Variants in TNFSF4 observed in about 807,000 individuals in gnomAD.
TNFSF4 encodes the protein TNF superfamily member 4.
Under a neutral mutation model 7.3 loss-of-function variants are expected in TNFSF4, and 4 were observed. That is an observed-to-expected ratio of 0.55 (90% confidence interval 0.27 to 1.25). The LOEUF (loss-of-function observed/expected upper bound fraction) is 1.25. Ranked by LOEUF, TNFSF4 falls within the 50% of genes most tolerant of loss-of-function variation. The probability of loss-of-function intolerance (pLI) is 0.12; values close to 1 mark genes in which losing one functional copy is unlikely to be tolerated. For synonymous variants in TNFSF4, 76 were observed against 83.7 expected, an observed-to-expected ratio of 0.91 and a Z score of 0.50; for missense variants, 181 against 208.8, an observed-to-expected ratio of 0.87 and a Z score of 0.82.
At chr1:173,441,697 G>A in the TNFSF4 span, among the ~76,000 whole-genome samples, 15 of 152,272 alleles carry the variant, frequency 9.9e-5, no homozygotes, top group Non-Finnish European at 1.6e-4. Flanking sequence ...TTTAAAGTGG[G>A]CGCTTTAAAC....
At chr1:173,239,218 A>G in the TNFSF4 span, among the ~76,000 whole-genome samples, 1 of 152,192 alleles carries the variant, frequency 6.6e-6, no homozygotes, top group African/African-American at 2.4e-5. Flanking sequence ...CAGAGCAGGA[A>G]CAAAAATCTG....
the TNFSF4 span, among the ~76,000 whole-genome samples, chr1:173,233,925 A>G: frequency 1.2e-4 from 18 of 152,328 alleles, no homozygotes; most frequent in South Asian, 3.5e-3. Context: ...AGCAATGGCA[A>G]CAAAAGCCAA....
chr1:173,284,058 C>G, the TNFSF4 span, among the ~76,000 whole-genome samples: 476 of 152,086 alleles, frequency 3.1e-3, 4 homozygotes, highest in Non-Finnish European at 5.5e-3. Flanking sequence ...AAAGATCAAA[C>G]CAGCCACAAC....
the TNFSF4 span, chr1:173,174,300 C>A: frequency 1.3e-5 from 2 of 152,174 alleles, no homozygotes; most frequent in Non-Finnish European, 2.9e-5. Context: ...CCAAACTTTT[C>A]CACATTTTCC....
chr1:173,235,215 C>T, the TNFSF4 span, among the ~76,000 whole-genome samples: 1 of 152,056 alleles, frequency 6.6e-6, no homozygotes, highest in Non-Finnish European at 1.5e-5. Context: ...CTCTTTAGTT[C>T]AGCTAAAATC....
the TNFSF4 span, chr1:173,363,206 C>A: frequency 1.1e-5 from 3 of 283,192 alleles, no homozygotes; most frequent in East Asian, 3.3e-4. Flanking sequence ...TGGCTCCAAA[C>A]ATGTCTTTGA....
the TNFSF4 span, among the ~76,000 whole-genome samples, chr1:173,361,230 C>T: frequency 1.3e-5 from 2 of 152,136 alleles, no homozygotes; most frequent in Non-Finnish European, 1.5e-5. Flanking sequence ...CTGAGTGGAT[C>T]TACAAATTTG....
rs1009790548 is a variant in TNFSF4, at chr1:173,184,304, G to A, written c.*2212C>T. 1.3e-5 allele frequency: 2 copies of A among 152,132 alleles called. No homozygotes were observed. The highest frequency in any genetic ancestry group is 4.8e-5 in the African/African-American group (2 of 41,420). 9.4% of individuals were successfully genotyped at this position (152,132 alleles called of 1,614,324 possible). A position where few individuals can be genotyped will look rare whatever the true frequency, so the allele number is the denominator to read the frequency against. On this transcript the variant is annotated 3_prime_UTR_variant, in exon 3 of 3. Transcript: ENST00000281834. ...CCCACAAAACTCTGCCATGTATATCGAAGGGTTAATTCTCCCTGTGAAGGA... is the reference window on the plus strand; with the variant it reads ...CCCACAAAACTCTGCCATGTATATCAAAGGGTTAATTCTCCCTGTGAAGGA...
chr1:173,406,933 G>A, the TNFSF4 span, among the ~76,000 whole-genome samples: 1 of 152,148 alleles, frequency 6.6e-6, no homozygotes, highest in African/African-American at 2.4e-5. Context: ...CCTGTTGGGT[G>A]GTACTGGGTT....
the TNFSF4 span, among the ~76,000 whole-genome samples, chr1:173,253,739 G>C: frequency 6.6e-6 from 1 of 152,196 alleles, no homozygotes; most frequent in Non-Finnish European, 1.5e-5. Flanking sequence ...CTCCTCTGAC[G>C]TTGTGGGGTT....
At chr1:173,228,474 G>A in the TNFSF4 span, among the ~76,000 whole-genome samples, 1 of 152,084 alleles carries the variant, frequency 6.6e-6, no homozygotes, top group African/African-American at 2.4e-5. Flanking sequence ...CACAGAGATG[G>A]GGACAAAACA....
At chr1:173,434,281 T>C in the TNFSF4 span, among the ~76,000 whole-genome samples, 2 of 152,262 alleles carry the variant, frequency 1.3e-5, no homozygotes, top group African/African-American at 4.8e-5. Flanking sequence ...ATATTACAAG[T>C]GCATGTTAAC....
At chr1:173,351,271 T>C in the TNFSF4 span, among the ~76,000 whole-genome samples, 3 of 152,182 alleles carry the variant, frequency 2.0e-5, no homozygotes, top group African/African-American at 7.2e-5. Context: ...GCTGGTCTCT[T>C]CTCTTAGCCA....
the TNFSF4 span, among the ~76,000 whole-genome samples, chr1:173,335,558 C>G: frequency 6.6e-6 from 1 of 152,130 alleles, no homozygotes; most frequent in Non-Finnish European, 1.5e-5. Context: ...ACCTAAGGCA[C>G]CAGCTGTTCC....
At chr1:173,255,285 T>C in the TNFSF4 span, among the ~76,000 whole-genome samples, 1 of 152,250 alleles carries the variant, frequency 6.6e-6, no homozygotes, top group African/African-American at 2.4e-5. Context: ...CCTAAAGTTC[T>C]GAACAGACTT....
the TNFSF4 span, among the ~76,000 whole-genome samples, chr1:173,436,899 G>T: frequency 6.6e-6 from 1 of 152,194 alleles, no homozygotes; most frequent in Non-Finnish European, 1.5e-5. Flanking sequence ...GTGTAGTGAA[G>T]AATTAACTTA....
At chr1:173,214,548 A>G in the TNFSF4 span, among the ~76,000 whole-genome samples, 28 of 152,254 alleles carry the variant, frequency 1.8e-4, 1 homozygote, top group Admixed American at 1.8e-3. Context: ...TTGGGCTACC[A>G]TACAATACAA....
chr1:173,298,418 T>C, the TNFSF4 span, among the ~76,000 whole-genome samples: 1 of 151,948 alleles, frequency 6.6e-6, no homozygotes, highest in African/African-American at 2.4e-5. Context: ...TTGTGTTTTG[T>C]TCTGTTTTCA....
At chr1:173,204,924 A>AACAC (rs143657529) in intron 1 of TNFSF4, among the ~76,000 whole-genome samples, 23,981 of 131,532 alleles carry the variant, frequency 0.18, 2,945 homozygotes, top group African/African-American at 0.35. Context: ...CACACACACA[A>AACAC]ACACACACAC....
Sources: gnomAD v4.1 joint callset for allele counts (sites outside exome capture counted in the v4.1 genomes callset) on GRCh38, gnomAD v4.1.1 for gene constraint, MANE v1.5 for transcripts, NCBI Gene and HGNC (gene_info 2026-07-23, HGNC 2026-07-21) for gene names.